ARHGEF10: variants seen among roughly 807,000 people sequenced by gnomAD.
The protein encoded by ARHGEF10 is Rho guanine nucleotide exchange factor (GEF) 10.
In ARHGEF10, 140 loss-of-function variants were observed where a neutral mutation model predicts 147.4. The observed-to-expected ratio is 0.95, with a 90% CI of 0.83 to 1.09. The LOEUF is 1.09. Among genes scored for constraint, ARHGEF10 ranks in the 50% least tolerant of loss-of-function variants. The pLI is 0.00. For synonymous variants in ARHGEF10, 902 were observed against 695.8 expected (o/e 1.30, Z -4.67); for missense variants, 2,222 against 1,752.7 (o/e 1.27, Z -4.78).
At chr8:1,882,878 C>T (rs1186535833) in intron 10 of ARHGEF10, 129 bp downstream of exon 10, 9 of 849,254 alleles carry the variant, frequency 1.1e-5, no homozygotes, top group Admixed American at 1.0e-4. Flanking sequence ...CCAGCCTGCT[C>T]AGTGCTTGGG....
intron 9 of ARHGEF10, 52 bp downstream of exon 9, chr8:1,880,216 A>C: frequency 7.6e-7 from 1 of 1,319,538 alleles, no homozygotes; most frequent in Non-Finnish European, 1.1e-6. Context: ...GGCAGTAAAG[A>C]AAAACCGCGC....
chr8:1,829,833 G>T (rs1802980996), intron 1 of ARHGEF10, among the ~76,000 whole-genome samples: 1 of 152,214 alleles, frequency 6.6e-6, no homozygotes, highest in African/African-American at 2.4e-5. Flanking sequence ...CGAGGCCCGG[G>T]GAGGCTGCTG....
Position 1,929,453 on chromosome 8 carries a change from G to A in ARHGEF10, c.3079+10G>A, listed in dbSNP as rs1377055735. 6.2e-7 allele frequency: 1 copy of A among 1,601,274 alleles called. No homozygotes were observed. Among genetic ancestry groups the A allele is most frequent in the Non-Finnish European group, 8.5e-7 (1 of 1,173,710 alleles). On this transcript the variant is annotated intron_variant, in intron 25 of 28. Transcript: ENST00000349830. ...TACGCCAGAGCCCCAGGTGAGGCGG[G>A]TCTCACGGCCTCCTGGCCGGTCCTT...
chr8:1,922,342 A>T (rs574365005), intron 18 of ARHGEF10, among the ~76,000 whole-genome samples: 14 of 152,234 alleles, frequency 9.2e-5, no homozygotes, highest in African/African-American at 3.4e-4. Context: ...GTTATTGGAA[A>T]TGTGGTTCAG....
At chr8:1,953,409 G>A (rs990768356) in intron 28 of ARHGEF10, among the ~76,000 whole-genome samples, 8 of 152,126 alleles carry the variant, frequency 5.3e-5, no homozygotes, top group African/African-American at 1.9e-4. Flanking sequence ...TGTGAAGAAG[G>A]AAGCCGGGGA....
intron 18 of ARHGEF10, among the ~76,000 whole-genome samples, chr8:1,910,029 C>G (rs1270327826): frequency 6.6e-6 from 1 of 152,092 alleles, no homozygotes; most frequent in Non-Finnish European, 1.5e-5. Flanking sequence ...ATTATTATTA[C>G]CTAACATTGT....
In ARHGEF10 at chr8:1,888,220, TGCGAGGAGACA is replaced by T. The variant is rs1808930573; in HGVS notation, c.1182+2515_1182+2525del. Among the ~76,000 whole-genome samples, 10 of 68,632 alleles carry T rather than the reference TGCGAGGAGACA, an allele frequency of 1.5e-4. 4 individuals are homozygous for T. The highest frequency in any genetic ancestry group is 7.3e-4 in the African/African-American group (10 of 13,752). The allele number at this position is 68,632 out of a possible 152,430, so 45.0% of individuals were successfully genotyped here. ...AGGAGACACTTAGTGGGGCGAGGGT[TGCGAGGAGACA>T]GTGAGTGTGGTGAGGGTTGCGAGGA... On this transcript the variant is annotated intron_variant, in intron 11 of 28. Coordinates refer to ENST00000349830, the MANE Select transcript of ARHGEF10 (RefSeq NM_014629.4).
rs796548747 is a variant in ARHGEF10, at chr8:1,875,032, G to A, written c.680-1539G>A. On this transcript the variant is annotated intron_variant, in intron 7 of 28. Coordinates refer to ENST00000349830, the MANE Select transcript of ARHGEF10 (RefSeq NM_014629.4). The stretch of plus-strand genomic sequence containing the variant: ...CACACCAGGGCGTGTAGGGGGTAGA[G>A]GTTCTAAGACAGGCTGGAGGAACAG... Among the ~76,000 whole-genome samples the A allele has an allele frequency of 5.5e-4, 20 of 36,138 alleles. 3 individuals carry two copies. The East Asian group carries it at 0.05, about 90-fold the overall frequency. 23.7% of individuals were successfully genotyped at this position (36,138 alleles called of 152,430 possible). A position where few individuals can be genotyped will look rare whatever the true frequency, so the allele number is the denominator to read the frequency against.
rs35354057 is a variant in ARHGEF10, at chr8:1,928,484, A to C, written c.2755A>C (p.Thr919Pro). 1.6e-3 allele frequency: 2,560 copies of C among 1,613,738 alleles called. 36 individuals carry two copies. In the African/African-American group the frequency reaches 0.03, roughly 19 times the overall value. ...TGCCATCGTCTCGTTTCAAAATTCCACTCCCAAAGTCATTGAGTGCTTCAA... is the reference window on the plus strand; with the variant it reads ...TGCCATCGTCTCGTTTCAAAATTCCCCTCCCAAAGTCATTGAGTGCTTCAA... The part of the protein sequence containing the change: ...QIAIVSFQNS[T>P]PKVIECFNVE... Residue 919 changes from threonine (T) to proline (P), a missense_variant, in exon 24 of 29, where the codon ACT becomes CCT. Coordinates refer to ENST00000349830, the MANE Select transcript of ARHGEF10 (RefSeq NM_014629.4).
At chr8:1,938,240 G>A (rs942539844) in intron 26 of ARHGEF10, among the ~76,000 whole-genome samples, 5 of 152,182 alleles carry the variant, frequency 3.3e-5, no homozygotes, top group African/African-American at 1.2e-4. Context: ...TTAGGAACAC[G>A]ATGCAGTGCT....
Position 1,859,948 on chromosome 8 carries a change from A to T in ARHGEF10, c.245A>T (p.Lys82Met), listed in dbSNP as rs367950107. The change falls in exon 4 of 29, where the codon AAG becomes ATG. Residue 82 changes from lysine (K) to methionine (M), a missense_variant. By Grantham distance (95) the Lys-to-Met change is moderately conservative (BLOSUM62 -1). Transcript: ENST00000349830. ...ACCACCCCAGTGGCAGAGCCTACTA[A>T]GCTGGTGCTCCCGATGAAAGTCAAC... ...AETTPVAEPT[K>M]LVLPMKVNPY... is the part of the protein sequence containing the mutation. 6.2e-7 allele frequency: 1 copy of T among 1,614,070 alleles called. No homozygotes were observed. The highest frequency in any genetic ancestry group is 8.5e-7 in the Non-Finnish European group (1 of 1,180,038).
intron 5 of ARHGEF10, among the ~76,000 whole-genome samples, chr8:1,865,704 G>A (rs1806542430): frequency 7.1e-6 from 1 of 140,390 alleles, no homozygotes; most frequent in Non-Finnish European, 1.6e-5. Context: ...GGGGTGCTCT[G>A]CACGGATTAT....
intron 4 of ARHGEF10, among the ~76,000 whole-genome samples, chr8:1,861,401 AC>A (rs34365601): frequency 6.6e-6 from 1 of 152,116 alleles, no homozygotes; most frequent in Non-Finnish European, 1.5e-5. Context: ...GTAAGCACAT[AC>A]CCTGCCTCTG....
chr8:1,956,523 A>G (rs1216730706), intron 28 of ARHGEF10, among the ~76,000 whole-genome samples: 3 of 152,216 alleles, frequency 2.0e-5, no homozygotes, highest in African/African-American at 4.8e-5. Context: ...ACAACTTTCT[A>G]TTTTAGAAAA....
At chr8:1,833,697 C>T (rs1374572456) in intron 1 of ARHGEF10, among the ~76,000 whole-genome samples, 5 of 152,220 alleles carry the variant, frequency 3.3e-5, no homozygotes, top group African/African-American at 4.8e-5. Context: ...CCCTCATGCC[C>T]GGCCCAGCTT....
intron 1 of ARHGEF10, among the ~76,000 whole-genome samples, chr8:1,832,204 A>T (rs1395108016): frequency 6.6e-6 from 1 of 150,404 alleles, no homozygotes; most frequent in African/African-American, 2.5e-5. Flanking sequence ...GCTCCAAGGG[A>T]TGGAGCGTCC....
intron 25 of ARHGEF10, among the ~76,000 whole-genome samples, chr8:1,930,640 C>T (rs1325642719): frequency 1.3e-5 from 2 of 152,182 alleles, no homozygotes; most frequent in Non-Finnish European, 2.9e-5. Flanking sequence ...ATTGGAGTTC[C>T]TCCCTCCTTA....
chr8:1,906,847 C>T (rs1810934625), intron 17 of ARHGEF10, among the ~76,000 whole-genome samples: 2 of 152,232 alleles, frequency 1.3e-5, no homozygotes, highest in South Asian at 2.1e-4. Flanking sequence ...GACAGGTTTT[C>T]ATTGTTGCTT....
At chr8:1,877,659 C>G (rs1403219115) in intron 8 of ARHGEF10, among the ~76,000 whole-genome samples, 3 of 148,164 alleles carry the variant, frequency 2.0e-5, no homozygotes, top group South Asian at 2.1e-4. Context: ...GTCATGGAAC[C>G]CAGGAACCAT....
Sources: gnomAD v4.1 joint callset for allele counts (sites outside exome capture counted in the v4.1 genomes callset) on GRCh38, gnomAD v4.1.1 for gene constraint, MANE v1.5 for transcripts, NCBI Gene and HGNC (gene_info 2026-07-23, HGNC 2026-07-21) for gene names.